The following MTO1 variants were observed in gnomAD, a reference collection of about 807,000 sequenced individuals.
MTO1 encodes the protein 5-taurinomethyluridine-[tRNA] synthase subunit MTO1, mitochondrial.
In MTO1, 46 loss-of-function variants were observed where a neutral mutation model predicts 71.6. The observed-to-expected ratio is 0.64, with a 90% confidence interval of 0.51 to 0.82. The LOEUF (loss-of-function observed/expected upper bound fraction) is 0.82. Ranked by LOEUF, MTO1 falls within the 40% of genes least tolerant of loss-of-function variation. The pLI, the probability that MTO1 is intolerant of heterozygous loss-of-function variation, is 0.00. For missense variants in MTO1, 773 were observed against 867.5 expected (o/e 0.89, Z 1.37); for synonymous variants, 297 against 312.1 (o/e 0.95, Z 0.51).
rs1364383909 is a variant in MTO1 at position 73,482,596 on chromosome 6, G to A, written c.1613G>A (p.Ser538Asn). 2 of 1,607,112 alleles carry A rather than the reference G, an allele frequency of 1.2e-6. No individual in the cohort carries two copies. The highest frequency in any genetic ancestry group is 2.2e-5 in the East Asian group (1 of 44,834). The part of the protein sequence containing the change: ...WKKLIPEASI[S>N]TSRSLPVRAL... ...AAATTAATCCCAGAGGCTTCTATAA[G>A]TACTAGTAGAAGTCTGCCTGTCAGG... Residue 538 changes from serine to asparagine, a missense_variant, in exon 9 of 12, where the codon AGT (serine) becomes AAT (asparagine). By Grantham distance (46) the Ser-to-Asn change is conservative. Transcript: ENST00000498286.
intron 9 of MTO1, among the ~76,000 whole-genome samples, chr6:73,484,061 G>A (rs933286837): frequency 6.6e-6 from 1 of 152,086 alleles, no homozygotes; most frequent in African/African-American, 2.4e-5. Context: ...TTACAGGGAT[G>A]AGCCACCATG....
intron 6 of MTO1, 94 bp downstream of exon 6, chr6:73,480,220 C>G: frequency 8.0e-7 from 1 of 1,245,920 alleles, no homozygotes; most frequent in South Asian, 1.2e-5. Flanking sequence ...TGTTCAGAGC[C>G]TCAGAAGATG....
At chr6:73,476,813 G>A (rs1451674986) in intron 4 of MTO1, among the ~76,000 whole-genome samples, 2 of 150,276 alleles carry the variant, frequency 1.3e-5, no homozygotes, top group East Asian at 3.9e-4. Flanking sequence ...TTTTGAGACG[G>A]AGCCTCACAC....
At position 73,461,860 on chromosome 6, in the gene MTO1, C is replaced by T; in HGVS notation, c.6C>T (p.Phe2=). M[F]YFRGCGRWVA... is the part of the protein sequence containing the mutation. ...AGATAGATTTTTCTCCCAGCATGTT[C>T]TACTTCCGAGGCTGTGGCCGTTGGG... Residue 2 remains phenylalanine (F), a synonymous_variant, in exon 1 of 12, where the codon TTC becomes TTT. Transcript: ENST00000498286. 1 of 1,612,700 alleles carries T rather than the reference C, an allele frequency of 6.2e-7. No individual in the cohort carries two copies.
chr6:73,490,934 A>T (rs73450697), intron 9 of MTO1, among the ~76,000 whole-genome samples: 1 of 152,106 alleles, frequency 6.6e-6, no homozygotes, highest in African/African-American at 2.4e-5. Flanking sequence ...TGGTCATAGG[A>T]GCTCCAGCAC....
intron 9 of MTO1, among the ~76,000 whole-genome samples, chr6:73,489,372 G>A (rs1217004229): frequency 6.6e-6 from 1 of 151,210 alleles, no homozygotes; most frequent in African/African-American, 2.4e-5. Flanking sequence ...TGCCATGTTG[G>A]TGTGCTGCAC....
intron 3 of MTO1, 138 bp downstream of exon 3, chr6:73,466,744 A>G (rs939507795): frequency 7.5e-6 from 5 of 665,706 alleles, no homozygotes; most frequent in Non-Finnish European, 1.3e-5. Flanking sequence ...GAGGAAAACT[A>G]TATAAATAAA....
chr6:73,476,039 C>T (rs979868978), intron 4 of MTO1, among the ~76,000 whole-genome samples: 2 of 152,046 alleles, frequency 1.3e-5, no homozygotes, highest in Admixed American at 6.6e-5. Context: ...TCAGACATAG[C>T]AGAGCAACTT....
At chr6:73,497,629 A>G in intron 10 of MTO1, 107 bp from the exon 11 acceptor site, 1 of 1,125,258 alleles carries the variant, frequency 8.9e-7, no homozygotes, top group South Asian at 1.6e-5. Context: ...GTTGAATGAG[A>G]TGATGTACAC....
At chr6:73,487,523 G>A (rs1771688897) in intron 9 of MTO1, 1 of 141,838 alleles carries the variant, frequency 7.1e-6, no homozygotes, top group Non-Finnish European at 1.5e-5. Flanking sequence ...AAGTGGAATT[G>A]CAGCATCATG....
At chr6:73,462,322 G>T in intron 1 of MTO1, 1 of 553,770 alleles carries the variant, frequency 1.8e-6, no homozygotes, top group Non-Finnish European at 3.2e-6. Flanking sequence ...TGGGGTTCGG[G>T]GTCAGTGCCT....
At chr6:73,464,964 A>G (rs183493947) in intron 1 of MTO1, among the ~76,000 whole-genome samples, 5 of 152,148 alleles carry the variant, frequency 3.3e-5, no homozygotes, top group Non-Finnish European at 5.9e-5. Context: ...AGGTAACCAC[A>G]TGGGTTTAGA....
At chr6:73,464,114 A>G (rs1770907462) in intron 1 of MTO1, 1 of 152,172 alleles carries the variant, frequency 6.6e-6, no homozygotes, top group African/African-American at 2.4e-5. Flanking sequence ...TTGGAATGAT[A>G]TAGGGATTAG....
At chr6:73,486,179 G>T (rs1186765257) in intron 9 of MTO1, among the ~76,000 whole-genome samples, 1 of 151,674 alleles carries the variant, frequency 6.6e-6, no homozygotes, top group East Asian at 2.0e-4. Context: ...TGGTGCTCAG[G>T]TGATTCTCCT....
At chr6:73,467,944 C>T (rs903420809) in intron 3 of MTO1, among the ~76,000 whole-genome samples, 1 of 152,016 alleles carries the variant, frequency 6.6e-6, no homozygotes, top group African/African-American at 2.4e-5. Flanking sequence ...CCTCAGCCTC[C>T]TGAGTAGCTG....
At position 73,480,703 on chromosome 6, in the gene MTO1, T is replaced by C; in HGVS notation, c.1158T>C (p.Asp386=). 3.1e-6 allele frequency: 5 copies of C among 1,613,888 alleles called. No homozygotes were observed. The highest frequency in any genetic ancestry group is 4.2e-6 in the Non-Finnish European group (5 of 1,179,838). The change falls in exon 7 of 12, where the codon GAT becomes GAC. Residue 386 remains aspartate (D), a synonymous_variant. Coordinates refer to ENST00000498286, the MANE Select transcript of MTO1 (RefSeq NM_012123.4). ...PGYGVQYDYL[D]PRQITPSLET... The stretch of plus-strand genomic sequence containing the variant: ...ACGGTGTTCAGTATGATTACTTAGA[T>C]CCCCGTCAGATCACCCCTTCCTTGG...
In MTO1 at chr6:73,482,597, T is replaced by G. The variant is rs531056922; in HGVS notation, c.1614T>G (p.Ser538Arg). 1 of 1,607,084 alleles carries G rather than the reference T, an allele frequency of 6.2e-7. No individual in the cohort carries two copies. The highest frequency in any genetic ancestry group is 1.1e-5 in the South Asian group (1 of 90,178). The change falls in exon 9 of 12, where the codon AGT becomes AGG. Residue 538 changes from serine (S) to arginine (R), a missense_variant. Physicochemically the swap from Ser to Arg is moderately radical, Grantham distance 110. Transcript: ENST00000498286. ...WKKLIPEASI[S>R]TSRSLPVRAL... ...AATTAATCCCAGAGGCTTCTATAAGTACTAGTAGAAGTCTGCCTGTCAGGT... is the reference window on the plus strand; with the variant it reads ...AATTAATCCCAGAGGCTTCTATAAGGACTAGTAGAAGTCTGCCTGTCAGGT...
intron 9 of MTO1, 174 bp from the exon 10 acceptor site, chr6:73,492,060 C>T (rs1771823880): frequency 4.1e-6 from 2 of 487,080 alleles, no homozygotes; most frequent in Non-Finnish European, 7.4e-6. Flanking sequence ...CAAGATTGTA[C>T]CACTGCACTA....
At chr6:73,498,255 A>G (rs1390189490) in intron 11 of MTO1, among the ~76,000 whole-genome samples, 1 of 151,846 alleles carries the variant, frequency 6.6e-6, no homozygotes, top group Admixed American at 6.6e-5. Context: ...TTGTGTTTCT[A>G]AGACAGATGT....
Sources: allele counts gnomAD v4.1 joint callset (sites outside exome capture counted in the v4.1 genomes callset), GRCh38; gene constraint gnomAD v4.1.1; transcripts MANE v1.5; gene names NCBI Gene and HGNC (gene_info 2026-07-23, HGNC 2026-07-21).